Variants in SEPTIN12 observed in about 807,000 individuals in gnomAD.
SEPTIN12 encodes septin 12, also known as septin-12.
In SEPTIN12, 42 loss-of-function variants were observed where a neutral mutation model predicts 37.7. The observed-to-expected ratio is 1.11, with a 90% confidence interval of 0.87 to 1.44. SEPTIN12 has a LOEUF of 1.44. Among genes scored for constraint, SEPTIN12 ranks in the 40% most tolerant of loss-of-function variants. The probability of loss-of-function intolerance (pLI) is 0.00; values close to 1 mark genes in which losing one functional copy is unlikely to be tolerated. For missense variants in SEPTIN12, 613 were observed against 479.2 expected (o/e 1.28, Z -2.61); for synonymous variants, 254 against 196.7 (o/e 1.29, Z -2.44).
upstream of SEPTIN12, among the ~76,000 whole-genome samples, chr16:4,789,418 C>T (rs929729279): frequency 1.3e-4 from 20 of 151,890 alleles, no homozygotes; most frequent in African/African-American, 4.3e-4. Context: ...CTCTGCCTCC[C>T]GGGTTCACGC....
At chr16:4,784,589 G>GGGAAATGCCAACTCTACAAAAAATACAC (rs2082413170) in intron 4 of SEPTIN12, among the ~76,000 whole-genome samples, 3 of 149,556 alleles carry the variant, frequency 2.0e-5, no homozygotes, top group East Asian at 4.0e-4. Flanking sequence ...GGGCAACATG[G>GGGAAATGCCAACTCTACAAAAAATACAC]GGAAACGCCA....
Position 4,783,514 on chromosome 16 carries a change from T to A in SEPTIN12, c.674A>T (p.Gln225Leu), listed in dbSNP as rs2082395937. The change falls in exon 7 of 10, where the codon CAG becomes CTG. Residue 225 changes from glutamine (Q) to leucine (L), a missense_variant. By Grantham distance (113) the Gln-to-Leu change is moderately radical. Transcript: ENST00000268231. ...LRTHCIDVYP[Q>L]MCFDEDINDK... The stretch of plus-strand genomic sequence containing the variant: ...ATTGATGTCCTCGTCAAAGCACATC[T>A]GGGGGTAGACGTCGATGCAGTGGGT... 3 of 1,614,040 alleles carry A rather than the reference T, an allele frequency of 1.9e-6. No individual in the cohort carries two copies. The Admixed American group carries it at 5.0e-5, about 27-fold the overall frequency.
chr16:4,779,052 C>T (rs2082344298), intron 8 of SEPTIN12, among the ~76,000 whole-genome samples: 1 of 151,982 alleles, frequency 6.6e-6, no homozygotes, highest in South Asian at 2.1e-4. Context: ...ACAGGAGAAT[C>T]ACTTGAACCC....
intron 7 of SEPTIN12, among the ~76,000 whole-genome samples, chr16:4,780,918 G>T (rs750356312): frequency 6.6e-6 from 1 of 151,826 alleles, no homozygotes; most frequent in Non-Finnish European, 1.5e-5. Flanking sequence ...GTTGGAGGTT[G>T]CTGTGAACGG....
At chr16:4,782,544 C>T (rs79177276) in intron 7 of SEPTIN12, among the ~76,000 whole-genome samples, 170 of 152,222 alleles carry the variant, frequency 1.1e-3, no homozygotes, top group African/African-American at 3.8e-3. Flanking sequence ...TCCAAAGTGG[C>T]TGAGCCATTT....
intron 8 of SEPTIN12, among the ~76,000 whole-genome samples, chr16:4,778,998 C>T (rs7197168): frequency 0.076 from 11,382 of 150,514 alleles, 1,083 homozygotes; most frequent in African/African-American, 0.23. Context: ...ATTAGCTGGG[C>T]GTGGTGGCAG....
chr16:4,787,353 T>G, intron 2 of SEPTIN12, 127 bp downstream of exon 2: 1 of 844,598 alleles, frequency 1.2e-6, no homozygotes, highest in Non-Finnish European at 2.0e-6. Context: ...AACATCCCTG[T>G]GAGGTGCTAT....
intron 7 of SEPTIN12, 32 bp downstream of exon 7, chr16:4,783,430 C>T (rs1363695673): frequency 6.5e-7 from 1 of 1,533,808 alleles, no homozygotes; most frequent in South Asian, 1.1e-5. Flanking sequence ...AAGGAAATCA[C>T]CTCGCCCGCC....
Position 4,787,540 on chromosome 16 carries a change from G to A in SEPTIN12, c.106C>T (p.Leu36=), listed in dbSNP as rs752449839. ...MLGPVGIEAV[L]DQLKIKAMKM... The stretch of plus-strand genomic sequence containing the variant: ...ATAGCCTTGATCTTCAGCTGGTCCA[G>A]CACAGCCTCAATGCCCACAGGACCA... The change falls in exon 2 of 10, where the codon CTG becomes TTG. Residue 36 remains leucine (L), a synonymous_variant. Coordinates refer to ENST00000268231, the MANE Select transcript of SEPTIN12 (RefSeq NM_144605.5). 3 of 1,612,690 alleles carry A rather than the reference G, an allele frequency of 1.9e-6. No individual in the cohort carries two copies. The highest frequency in any genetic ancestry group is 1.7e-6 in the Non-Finnish European group (2 of 1,179,968).
intron 2 of SEPTIN12, among the ~76,000 whole-genome samples, chr16:4,786,939 A>G (rs755701355): frequency 6.6e-6 from 1 of 152,036 alleles, no homozygotes; most frequent in African/African-American, 2.4e-5. Flanking sequence ...CAGTGGCGCA[A>G]TCTCGGCTCA....
At chr16:4,781,191 A>C (rs1217848911) in intron 7 of SEPTIN12, among the ~76,000 whole-genome samples, 3 of 149,000 alleles carry the variant, frequency 2.0e-5, no homozygotes, top group African/African-American at 7.4e-5. Context: ...CCCAGGAGGC[A>C]GGGGTTGCAG....
At chr16:4,788,977 G>A (rs1377978037), upstream of SEPTIN12, among the ~76,000 whole-genome samples, 2 of 152,134 alleles carry the variant, frequency 1.3e-5, no homozygotes, top group Non-Finnish European at 2.9e-5. Flanking sequence ...TCCAGACTGT[G>A]GTCCTCACCC....
In SEPTIN12 at chr16:4,777,849, C is replaced by CG. The variant is rs757340930; in HGVS notation, c.1024dup (p.Arg342ProfsTer11). 3 of 1,595,040 alleles carry CG rather than the reference C, an allele frequency of 1.9e-6. No individual in the cohort carries two copies. Among genetic ancestry groups the CG allele is most frequent in the East Asian group, 2.3e-5 (1 of 44,206 alleles). The stretch of plus-strand genomic sequence containing the variant: ...GGCCCCCCTGCAGACCTTGAAGGTC[C>CG]GGGGGGTGGTCAGCTGTCCTGGGGA... On this transcript the variant is annotated frameshift_variant, in exon 10 of 10. Coordinates refer to ENST00000268231, the MANE Select transcript of SEPTIN12 (RefSeq NM_144605.5). LOFTEE classifies it low-confidence loss of function (END_TRUNC).
chr16:4,789,058 G>A (rs578125603), upstream of SEPTIN12, among the ~76,000 whole-genome samples: 2 of 152,156 alleles, frequency 1.3e-5, no homozygotes, highest in African/African-American at 2.4e-5. Context: ...TCGCTCTGTT[G>A]CCCTTGCTGG....
chr16:4,784,675 C>A (rs2082414427), intron 4 of SEPTIN12, among the ~76,000 whole-genome samples: 1 of 150,052 alleles, frequency 6.7e-6, no homozygotes, highest in Non-Finnish European at 1.5e-5. Flanking sequence ...GAGGCTGAGG[C>A]AGGAGGGTCC....
In SEPTIN12 at chr16:4,777,796, G is replaced by C; in HGVS notation, c.*1C>G. On this transcript the variant is annotated 3_prime_UTR_variant, in exon 10 of 10. Transcript: ENST00000268231. ...CCAGCAGCCCCGGGATCCGCCGGTG[G>C]TCAGAACTCATCATCAGAATCGTCA... The C allele has an allele frequency of 6.5e-7, 1 of 1,543,852 alleles. No individual in the cohort carries two copies. Among genetic ancestry groups the C allele is most frequent in the South Asian group, 1.2e-5 (1 of 81,160 alleles).
chr16:4,789,842 C>G (rs1246562222), upstream of SEPTIN12: 3 of 152,166 alleles, frequency 2.0e-5, no homozygotes, highest in Non-Finnish European at 4.4e-5. Flanking sequence ...AAGGCTTAGG[C>G]ATTCCTGTGT....
intron 2 of SEPTIN12, among the ~76,000 whole-genome samples, chr16:4,786,862 G>A (rs2082459757): frequency 6.6e-6 from 1 of 151,654 alleles, no homozygotes; most frequent in South Asian, 2.1e-4. Context: ...TGCCTAGGCT[G>A]GTCATGAACT....
At position 4,779,725 on chromosome 16, in the gene SEPTIN12, A is replaced by T. The variant is rs202006830; in HGVS notation, c.788T>A (p.Val263Asp). 2.6e-5 allele frequency: 42 copies of T among 1,613,728 alleles called. No homozygotes were observed. Among genetic ancestry groups the T allele is most frequent in the Non-Finnish European group, 3.5e-5 (41 of 1,179,790 alleles). ...GCCCCACTTGGTCTTCCGGCCCAGG[A>T]CACACCTCCCGTTCACCAGGTGCTC... ...DQEHLVNGRCVLGRKTKWGII... is the reference protein window; with the variant it reads ...DQEHLVNGRCDLGRKTKWGII... The change falls in exon 8 of 10, where the codon GTC (valine) becomes GAC (aspartate). Residue 263 changes from valine to aspartate, a missense_variant. Transcript: ENST00000268231.
Sources: allele counts gnomAD v4.1 joint callset (sites outside exome capture counted in the v4.1 genomes callset), GRCh38; gene constraint gnomAD v4.1.1; transcripts MANE v1.5; gene names NCBI Gene and HGNC (gene_info 2026-07-23, HGNC 2026-07-21).